Variants in TMEM131 observed in about 807,000 individuals in gnomAD.
TMEM131 encodes transmembrane protein 131, also known as 2610524E03Rik.
A neutral mutation model predicts 211.6 loss-of-function variants in TMEM131; 66 were observed. The observed-to-expected ratio is 0.31, with a 90% CI of 0.26 to 0.38. The LOEUF is 0.38. Among genes scored for constraint, TMEM131 ranks in the 10% least tolerant of loss-of-function variants. The pLI, the probability that TMEM131 is intolerant of heterozygous loss-of-function variation, is 1.00. For synonymous variants in TMEM131, 844 were observed against 841.3 expected, an observed-to-expected ratio of 1.00 and a Z score of -0.06; for missense variants, 2,036 against 2,299.3, an observed-to-expected ratio of 0.89 and a Z score of 2.34.
chr2:97,956,220 T>C (rs969406536), intron 1 of TMEM131, among the ~76,000 whole-genome samples: 1 of 152,206 alleles, frequency 6.6e-6, no homozygotes, highest in African/African-American at 2.4e-5. Context: ...CCAATTGATT[T>C]TGATACAAGT....
chr2:97,941,972 C>T (rs562379727), intron 1 of TMEM131, among the ~76,000 whole-genome samples: 59 of 152,166 alleles, frequency 3.9e-4, no homozygotes, highest in African/African-American at 1.3e-3. Context: ...ATCCCATTAC[C>T]GGGTATATAC....
intron 18 of TMEM131, 26 bp from the exon 19 acceptor site, chr2:97,809,800 G>A (rs375623945): frequency 5.0e-5 from 77 of 1,553,268 alleles, no homozygotes; most frequent in Non-Finnish European, 6.3e-5. Flanking sequence ...GATGATGATA[G>A]ATAAGTAGTT....
intron 1 of TMEM131, among the ~76,000 whole-genome samples, chr2:97,967,072 G>T (rs150966610): frequency 1.3e-5 from 2 of 152,040 alleles, no homozygotes; most frequent in African/African-American, 4.8e-5. Context: ...AGATGGGGGC[G>T]GTGAGTCAGA....
intron 4 of TMEM131, among the ~76,000 whole-genome samples, chr2:97,883,145 G>A (rs937224585): frequency 1.3e-5 from 2 of 151,986 alleles, no homozygotes; most frequent in Admixed American, 1.3e-4. Context: ...TTAGGTCTGC[G>A]CTCCTGACCT....
intron 40 of TMEM131, among the ~76,000 whole-genome samples, chr2:97,758,029 G>C (rs1237915136): frequency 6.6e-6 from 1 of 152,086 alleles, no homozygotes; most frequent in Non-Finnish European, 1.5e-5. Context: ...CTACTCAGGA[G>C]GCTGAGGCAG....
At chr2:97,896,567 A>T (rs1675620264) in intron 3 of TMEM131, among the ~76,000 whole-genome samples, 1 of 152,144 alleles carries the variant, frequency 6.6e-6, no homozygotes, top group African/African-American at 2.4e-5. Flanking sequence ...ATATATATTT[A>T]GGATAGTTAG....
At chr2:97,960,917 A>C (rs1454502894) in intron 1 of TMEM131, among the ~76,000 whole-genome samples, 1 of 152,170 alleles carries the variant, frequency 6.6e-6, no homozygotes, top group Non-Finnish European at 1.5e-5. Context: ...CATTCTAAAA[A>C]AAGAAAAACT....
intron 11 of TMEM131, among the ~76,000 whole-genome samples, chr2:97,828,214 G>C (rs1245508462): frequency 6.6e-6 from 1 of 152,136 alleles, no homozygotes; most frequent in Non-Finnish European, 1.5e-5. Flanking sequence ...CAAATTTTAA[G>C]CTGGAAAGTC....
At chr2:97,780,969 C>T (rs968343672) in intron 31 of TMEM131, among the ~76,000 whole-genome samples, 5 of 152,280 alleles carry the variant, frequency 3.3e-5, no homozygotes, top group Admixed American at 2.0e-4. Flanking sequence ...GTCGGGTTCA[C>T]ACCACTGCCC....
At chr2:97,883,524 T>G (rs965888594) in intron 4 of TMEM131, among the ~76,000 whole-genome samples, 1 of 152,206 alleles carries the variant, frequency 6.6e-6, no homozygotes, top group Non-Finnish European at 1.5e-5. Context: ...ATAGACTGAT[T>G]CTTTTATTTC....
intron 1 of TMEM131, among the ~76,000 whole-genome samples, chr2:97,943,041 G>GAAAAGAAAAGAAAAGAAAAGA (rs779804229): frequency 5.5e-5 from 2 of 36,642 alleles, no homozygotes; most frequent in Non-Finnish European, 1.2e-4. Context: ...GAAAAGAAAA[G>GAAAAGAAAAGAAAAGAAAAGA]AAAGAAAGAA....
chr2:97,917,675 T>C (rs1360171860), intron 2 of TMEM131, among the ~76,000 whole-genome samples: 2 of 152,128 alleles, frequency 1.3e-5, no homozygotes, highest in Admixed American at 6.5e-5. Flanking sequence ...CAGCAAGAAG[T>C]GCTGAGCAAA....
At chr2:97,924,206 C>T (rs1676881303) in intron 2 of TMEM131, among the ~76,000 whole-genome samples, 1 of 151,772 alleles carries the variant, frequency 6.6e-6, no homozygotes, top group South Asian at 2.1e-4. Context: ...GCAACATAGA[C>T]CTCTGTCTCT....
intron 4 of TMEM131, among the ~76,000 whole-genome samples, chr2:97,883,335 C>T (rs952321387): frequency 6.6e-6 from 1 of 152,152 alleles, no homozygotes; most frequent in African/African-American, 2.4e-5. Flanking sequence ...TACTCCTTTG[C>T]TATGCTTCAA....
intron 1 of TMEM131, among the ~76,000 whole-genome samples, chr2:97,965,057 G>C (rs529197502): frequency 1.3e-5 from 2 of 152,284 alleles, no homozygotes; most frequent in East Asian, 1.9e-4. Flanking sequence ...GAGCGTAAGA[G>C]CTCCGCGGCA....
chr2:97,977,870 G>A (rs188314475), intron 1 of TMEM131, among the ~76,000 whole-genome samples: 3 of 152,200 alleles, frequency 2.0e-5, no homozygotes, highest in South Asian at 2.1e-4. Flanking sequence ...GGCGGATCAT[G>A]AGGTCAGGAG....
intron 5 of TMEM131, among the ~76,000 whole-genome samples, chr2:97,845,080 T>C (rs1683361362): frequency 1.3e-5 from 2 of 151,890 alleles, no homozygotes; most frequent in African/African-American, 4.8e-5. Flanking sequence ...TTGTGAATTA[T>C]TGTAATTATT....
intron 1 of TMEM131, among the ~76,000 whole-genome samples, chr2:97,942,298 G>T (rs1677769832): frequency 1.5e-5 from 2 of 129,916 alleles, no homozygotes; most frequent in Admixed American, 1.7e-4. Flanking sequence ...ACACAGGGTG[G>T]GGAACATCAC....
intron 11 of TMEM131, among the ~76,000 whole-genome samples, chr2:97,828,474 G>A (rs989813835): frequency 2.0e-5 from 3 of 152,158 alleles, no homozygotes; most frequent in Non-Finnish European, 4.4e-5. Flanking sequence ...TACTTATAGG[G>A]TTAGAGATGG....
Sources: gnomAD v4.1 joint callset for allele counts (sites outside exome capture counted in the v4.1 genomes callset) on GRCh38, gnomAD v4.1.1 for gene constraint, MANE v1.5 for transcripts, NCBI Gene and HGNC (gene_info 2026-07-23, HGNC 2026-07-21) for gene names.